The following ZNF518A variants were observed in gnomAD, a reference collection of about 807,000 sequenced individuals.
The protein encoded by ZNF518A is zinc finger protein 518A.
In ZNF518A, 47 loss-of-function variants were observed where a neutral mutation model predicts 102.7. That is an observed-to-expected ratio of 0.46 (90% CI 0.36 to 0.58). The LOEUF (loss-of-function observed/expected upper bound fraction) is 0.58. Ranked by LOEUF, ZNF518A falls within the 20% of genes least tolerant of loss-of-function variation. The pLI, the probability that ZNF518A is intolerant of heterozygous loss-of-function variation, is 0.00. For missense variants in ZNF518A, 1,793 were observed against 1,699.8 expected (o/e 1.05, Z -0.96); for synonymous variants, 652 against 594.6 (o/e 1.10, Z -1.40).
rs2082839166 is a variant in ZNF518A at position 96,158,765 on chromosome 10, C to G, written c.2443C>G (p.Gln815Glu). The part of the protein sequence containing the change: ...PNKGLPLHCD[Q>E]SFQKHEREGK... ...TAAAGGCTTGCCACTTCATTGTGAC[C>G]AGTCATTTCAAAAACACGAGAGAGA... is the stretch of plus-strand genomic sequence containing the variant. Residue 815 changes from glutamine (Q) to glutamate (E), a missense_variant, in exon 6 of 6, where the codon CAG (glutamine) becomes GAG (glutamate). This residue lies in a region of ZNF518A where 1,741 missense variants were observed against 1,622.6 expected (regional missense o/e 1.07). Coordinates refer to ENST00000316045, the MANE Select transcript of ZNF518A (RefSeq NM_001330736.2). The G allele has an allele frequency of 2.5e-6, 4 of 1,613,294 alleles. No homozygotes were observed. Among genetic ancestry groups the G allele is most frequent in the Non-Finnish European group, 3.4e-6 (4 of 1,179,546 alleles).
In ZNF518A at chr10:96,200,473, C is replaced by A. The variant is rs977297370; in HGVS notation, n.36-3101C>A. On this transcript the variant is annotated intron_variant and non_coding_transcript_variant, in intron 1 of 2. Transcript: ENST00000442635. This position sits in a 1 kb window ranked among gnomAD's most constrained non-coding sequence, Gnocchi z 4.3. ...GTGGAGTGCTTTACAATTTCCAAAG[C>A]ATTTTTACAAATATTATTTTATTTG... is the stretch of plus-strand genomic sequence containing the variant. Among the ~76,000 whole-genome samples, 4 of 152,242 alleles carry A rather than the reference C, an allele frequency of 2.6e-5. No homozygotes were observed. In the South Asian group the frequency reaches 8.3e-4, roughly 32 times the overall value.
At position 96,163,159 on chromosome 10, in the gene ZNF518A, A is replaced by G. The variant is rs587733963; in HGVS notation, c.*2385A>G. The G allele has an allele frequency of 1.2e-5, 2 of 167,142 alleles. No individual in the cohort carries two copies. 10.4% of individuals were successfully genotyped at this position (167,142 alleles called of 1,614,324 possible). ...TCGAGATATGTACTTCTTGCCTTTA[A>G]GTTTTAACAGCCATTTAAAGTAAGC... On this transcript the variant is annotated 3_prime_UTR_variant, in exon 6 of 6. Transcript: ENST00000316045.
chr10:96,199,683 C>T, intron 1 of ZNF518A: 1 of 374,326 alleles, frequency 2.7e-6, no homozygotes, highest in Non-Finnish European at 5.4e-6. Flanking sequence ...AGGACGACAA[C>T]TGTGTCTATT....
At chr10:96,131,284 A>G (rs781931911) in intron 1 of ZNF518A, among the ~76,000 whole-genome samples, 95 of 152,176 alleles carry the variant, frequency 6.2e-4, no homozygotes, top group Non-Finnish European at 1.2e-3. Flanking sequence ...TTCTGCAGCA[A>G]GGGGTCTGAT....
intron 3 of ZNF518A, among the ~76,000 whole-genome samples, chr10:96,154,316 C>CA (rs1417202499): frequency 6.6e-6 from 1 of 152,168 alleles, no homozygotes; most frequent in Non-Finnish European, 1.5e-5. Context: ...GCCTGAGCGA[C>CA]AGAGTGAGAC....
chr10:96,131,033 T>A (rs587733908), intron 1 of ZNF518A, among the ~76,000 whole-genome samples: 1 of 152,322 alleles, frequency 6.6e-6, no homozygotes, highest in Non-Finnish European at 1.5e-5. Context: ...AGGTTTAAAT[T>A]TGAGAGCAAG....
chr10:96,170,555 G>A (rs1554890799), intron 1 of ZNF518A, among the ~76,000 whole-genome samples: 1 of 152,202 alleles, frequency 6.6e-6, no homozygotes, highest in East Asian at 1.9e-4. Context: ...GTTGTTCTGA[G>A]ATTCAGCCAT....
At chr10:96,146,519 T>G (rs587710986) in intron 3 of ZNF518A, among the ~76,000 whole-genome samples, 1 of 152,366 alleles carries the variant, frequency 6.6e-6, no homozygotes, top group Admixed American at 6.5e-5. Context: ...TTGTTTTGAA[T>G]TCTAGTGAAG....
intron 1 of ZNF518A, among the ~76,000 whole-genome samples, chr10:96,188,299 A>C (rs587684883): frequency 6.6e-6 from 1 of 152,330 alleles, no homozygotes; most frequent in East Asian, 1.9e-4. Context: ...TTTGGGGAGG[A>C]GTAGAGCCCT....
chr10:96,165,824 A>G (rs587653770), downstream of ZNF518A, among the ~76,000 whole-genome samples: 129 of 152,328 alleles, frequency 8.5e-4, 1 homozygote, highest in African/African-American at 3.0e-3. Context: ...ATACAGAACC[A>G]ATATGAGGGC....
intron 1 of ZNF518A, among the ~76,000 whole-genome samples, chr10:96,180,361 T>G (rs2083232689): frequency 6.6e-6 from 1 of 151,744 alleles, no homozygotes; most frequent in Non-Finnish European, 1.5e-5. Flanking sequence ...TTTTTTTATA[T>G]ATACTTTAAG....
At chr10:96,198,604 T>C (rs1433629725) in intron 1 of ZNF518A, among the ~76,000 whole-genome samples, 1 of 152,202 alleles carries the variant, frequency 6.6e-6, no homozygotes, top group Non-Finnish European at 1.5e-5. Context: ...CACAATCTAG[T>C]GGAGCAACAC....
At chr10:96,163,884 C>A (rs781819794), downstream of ZNF518A, 6 of 165,758 alleles carry the variant, frequency 3.6e-5, no homozygotes, top group African/African-American at 1.4e-4. Flanking sequence ...TCGTGATGTA[C>A]CTCACCTGTG....
At position 96,160,006 on chromosome 10, in the gene ZNF518A, A is replaced by G. The variant is rs1463444568; in HGVS notation, c.3684A>G (p.Ser1228=). Residue 1228 remains serine (S), a synonymous_variant, in exon 6 of 6, where the codon TCA becomes TCG. Transcript: ENST00000316045. ...AACCAATATGTGTCAGTGACTGTTC[A>G]GAGTCCAGGGTATTAAGGTGTAAAA... ...SEEPICVSDC[S]ESRVLRCKTN... The G allele has an allele frequency of 6.2e-7, 1 of 1,613,526 alleles. No individual in the cohort carries two copies. The highest frequency in any genetic ancestry group is 8.5e-7 in the Non-Finnish European group (1 of 1,179,714).
At chr10:96,154,620 A>G (rs1003222085) in intron 3 of ZNF518A, among the ~76,000 whole-genome samples, 1 of 152,146 alleles carries the variant, frequency 6.6e-6, no homozygotes, top group Non-Finnish European at 1.5e-5. Flanking sequence ...ATCTTAGTTT[A>G]AGAATAGCCA....
rs587734993 is a variant in ZNF518A, at chr10:96,143,989, TTTG to T, written c.-302+10350_-302+10352del. Among the ~76,000 whole-genome samples, 154 of 152,242 alleles carry T rather than the reference TTTG, an allele frequency of 1.0e-3. 1 individual carries two copies. The highest frequency in any genetic ancestry group is 3.3e-3 in the African/African-American group (136 of 41,558). On this transcript the variant is annotated intron_variant, in intron 3 of 5. Transcript: ENST00000316045. ...TTCTGTGCCTCAGTCTGCAGCTTCC[TTTG>T]TTGTTGTTTTTTTAGACAGGTCTCG... is the stretch of plus-strand genomic sequence containing the variant.
At chr10:96,171,157 C>T (rs1356695842) in intron 1 of ZNF518A, among the ~76,000 whole-genome samples, 2 of 152,108 alleles carry the variant, frequency 1.3e-5, no homozygotes, top group Non-Finnish European at 2.9e-5. Flanking sequence ...TGTAATGTTA[C>T]CCTGTGGCCC....
In ZNF518A at chr10:96,199,880, C is replaced by T. The variant is rs12776881; in HGVS notation, n.36-3694C>T. 0.3 allele frequency: 89,867 copies of T among 296,620 alleles called. 14,919 individuals are homozygous for T. Among genetic ancestry groups the T allele is most frequent in the Non-Finnish European group, 0.35 (57,102 of 162,942 alleles). The allele number at this position is 296,620 out of a possible 1,614,324, so 18.4% of individuals were successfully genotyped here. On this transcript the variant is annotated intron_variant and non_coding_transcript_variant, in intron 1 of 2. Transcript: ENST00000442635. ...CTCTACTAAAAATACAAAAATTAGC[C>T]GGGCTTGGGGGCACACACATGTAAT...
At chr10:96,190,858 C>T (rs2083316937) in intron 1 of ZNF518A, among the ~76,000 whole-genome samples, 1 of 152,212 alleles carries the variant, frequency 6.6e-6, no homozygotes, top group Non-Finnish European at 1.5e-5. Context: ...TCACCAATGT[C>T]TGCTTTTCTG....
Sources: allele counts gnomAD v4.1 joint callset (sites outside exome capture counted in the v4.1 genomes callset), GRCh38; gene constraint gnomAD v4.1.1; regional missense constraint gnomAD v4.1.1; non-coding constraint Gnocchi (gnomAD v3.1); transcripts MANE v1.5; gene names NCBI Gene and HGNC (gene_info 2026-07-23, HGNC 2026-07-21).